DNAH14: variants seen among roughly 807,000 people sequenced by gnomAD.
DNAH14 encodes axonemal beta dynein heavy chain 14.
A neutral mutation model predicts 520.9 loss-of-function variants in DNAH14; 478 were observed. The ratio of observed to expected loss-of-function variants is 0.92; its 90% CI spans 0.85 to 0.99. The LOEUF is 0.99. Ranked by LOEUF, DNAH14 falls within the 50% of genes least tolerant of loss-of-function variation. The probability of loss-of-function intolerance (pLI) is 0.00; values close to 1 mark genes in which losing one functional copy is unlikely to be tolerated. For missense variants in DNAH14, 4,831 were observed against 5,234.5 expected, an observed-to-expected ratio of 0.92 and a Z score of 2.38; for synonymous variants, 1,581 against 1,757.2, an observed-to-expected ratio of 0.90 and a Z score of 2.51.
intron 19 of DNAH14, 94 bp downstream of exon 19, chr1:225,080,842 C>A: frequency 7.5e-7 from 1 of 1,325,434 alleles, no homozygotes; most frequent in Non-Finnish European, 1.0e-6. Context: ...TTTCTTTACC[C>A]ATTCTCAGGT....
intron 60 of DNAH14, 77 bp from the exon 61 acceptor site, chr1:225,318,506 A>G (rs2094504646): frequency 7.9e-7 from 1 of 1,271,906 alleles, no homozygotes. Flanking sequence ...TATATTTTCC[A>G]AGTTCAGCAT....
intron 35 of DNAH14, among the ~76,000 whole-genome samples, chr1:225,163,154 A>AT (rs1291013777): frequency 6.6e-6 from 1 of 151,276 alleles, no homozygotes; most frequent in Admixed American, 6.6e-5. Flanking sequence ...AAAAAAAAAA[A>AT]AAAAAAAAGG....
At chr1:225,056,621 A>G (rs1237451858) in intron 17 of DNAH14, among the ~76,000 whole-genome samples, 1 of 152,142 alleles carries the variant, frequency 6.6e-6, no homozygotes, top group Admixed American at 6.5e-5. Context: ...TATGTCCTGA[A>G]TGGTATTGCC....
intron 7 of DNAH14, 113 bp from the exon 8 acceptor site, chr1:224,973,978 T>A: frequency 1.1e-5 from 6 of 567,786 alleles, no homozygotes; most frequent in Non-Finnish European, 1.6e-5. Context: ...TAACTCAGGA[T>A]GAATGAAATA....
At chr1:225,285,915 A>C (rs187890367) in intron 54 of DNAH14, among the ~76,000 whole-genome samples, 1 of 152,220 alleles carries the variant, frequency 6.6e-6, no homozygotes, top group East Asian at 1.9e-4. Context: ...TTTATTGTAC[A>C]TATATACCAC....
At chr1:225,217,341 C>T (rs1415512445) in intron 41 of DNAH14, among the ~76,000 whole-genome samples, 1 of 152,204 alleles carries the variant, frequency 6.6e-6, no homozygotes, top group Non-Finnish European at 1.5e-5. Flanking sequence ...TTAGGCTCCT[C>T]AGGCATCAGG....
chr1:225,342,480 A>T (rs894380222), intron 69 of DNAH14, among the ~76,000 whole-genome samples: 1 of 152,108 alleles, frequency 6.6e-6, no homozygotes, highest in Non-Finnish European at 1.5e-5. Flanking sequence ...TTTATTTTTT[A>T]AAGTAAAGGT....
chr1:225,103,888 C>A (rs547965832), intron 23 of DNAH14, among the ~76,000 whole-genome samples: 1 of 149,002 alleles, frequency 6.7e-6, no homozygotes, highest in African/African-American at 2.5e-5. Context: ...TTATTTCCTT[C>A]CCCTGCCTGA....
chr1:225,110,394 T>C (rs2076394039), intron 23 of DNAH14, among the ~76,000 whole-genome samples: 1 of 152,150 alleles, frequency 6.6e-6, no homozygotes, highest in African/African-American at 2.4e-5. Context: ...TCTTCATGAT[T>C]CCTTCTTGGT....
At chr1:225,063,126 T>TAA (rs71170054) in intron 17 of DNAH14, among the ~76,000 whole-genome samples, 1 of 151,874 alleles carries the variant, frequency 6.6e-6, no homozygotes, top group Non-Finnish European at 1.5e-5. Flanking sequence ...GAAAGATATT[T>TAA]AAAAAAAGCA....
Position 225,079,311 on chromosome 1 carries a change from AT to A in DNAH14, c.2531del (p.Leu844Ter). The A allele has an allele frequency of 1.3e-6, 2 of 1,550,038 alleles. No individual in the cohort carries two copies. The highest frequency in any genetic ancestry group is 1.7e-6 in the Non-Finnish European group (2 of 1,146,634). On this transcript the variant is annotated frameshift_variant, in exon 18 of 86. Transcript: ENST00000682510. LOFTEE classifies it high-confidence loss of function. ...LNAISSKISK[L>X]EKEFLTMSQL... is the part of the protein sequence containing the mutation. ...ATGCAATTTCCTCAAAAATATCTAA[AT>A]TAGAAAAAGAGTTCTTAACAATGTC...
chr1:225,233,699 T>C (rs1302629548), intron 42 of DNAH14, among the ~76,000 whole-genome samples: 2 of 152,196 alleles, frequency 1.3e-5, no homozygotes, highest in Non-Finnish European at 2.9e-5. Flanking sequence ...CTTTGTCAGA[T>C]GGATAGACTG....
chr1:225,155,178 A>G (rs1433942057), intron 34 of DNAH14, among the ~76,000 whole-genome samples: 1 of 152,176 alleles, frequency 6.6e-6, no homozygotes, highest in Non-Finnish European at 1.5e-5. Context: ...CTTTCTGGGT[A>G]GAAAGGAACA....
At chr1:225,316,715 G>T (rs906387449) in intron 60 of DNAH14, among the ~76,000 whole-genome samples, 15 of 152,048 alleles carry the variant, frequency 9.9e-5, no homozygotes, top group African/African-American at 3.4e-4. Context: ...AGATGAACCA[G>T]GTACCTCAGT....
chr1:224,975,511 C>G lies in DNAH14; in HGVS notation c.830+1358C>G, dbSNP rs1157508682. On this transcript the variant is annotated intron_variant, in intron 8 of 85. Transcript: ENST00000682510. ...TCTTCTAGATTTTCTAGTTTATTTG[C>G]GTAGAGGTGTTTGTAGTATTCTCTG... 3.3e-5 allele frequency among the ~76,000 whole-genome samples: 5 copies of G among 151,842 alleles called. 1 individual carries two copies. Among genetic ancestry groups the G allele is most frequent in the Non-Finnish European group, 5.9e-5 (4 of 67,956 alleles).
chr1:225,330,225 C>T (rs2094765406), intron 64 of DNAH14, among the ~76,000 whole-genome samples: 1 of 152,090 alleles, frequency 6.6e-6, no homozygotes, highest in South Asian at 2.1e-4. Context: ...TTAGTACAAC[C>T]ACTATGGAGA....
chr1:225,383,397 A>G (rs1448882508), intron 81 of DNAH14, among the ~76,000 whole-genome samples: 1 of 152,206 alleles, frequency 6.6e-6, no homozygotes, highest in East Asian at 1.9e-4. Flanking sequence ...TATTTTACAG[A>G]TATGGAAACT....
intron 54 of DNAH14, among the ~76,000 whole-genome samples, chr1:225,281,959 T>G (rs765041641): frequency 6.6e-6 from 1 of 151,204 alleles, no homozygotes; most frequent in Admixed American, 6.6e-5. Flanking sequence ...TAGATCTTAA[T>G]ATTCATACAC....
At chr1:225,399,004 A>C (rs1337671256) in intron 85 of DNAH14, 50 bp from the exon 86 acceptor site, 2 of 1,320,230 alleles carry the variant, frequency 1.5e-6, no homozygotes, top group Non-Finnish European at 1.0e-6. Flanking sequence ...TGAGCTACTG[A>C]TTCACTTGAA....
Sources: allele counts gnomAD v4.1 joint callset (sites outside exome capture counted in the v4.1 genomes callset), GRCh38; gene constraint gnomAD v4.1.1; transcripts MANE v1.5; gene names NCBI Gene and HGNC (gene_info 2026-07-23, HGNC 2026-07-21).